WASF2: variants seen among roughly 807,000 people sequenced by gnomAD.
WASF2 encodes the protein WASP family member 2.
Under a neutral mutation model 45.0 loss-of-function variants are expected in WASF2, and 14 were observed. That is an observed-to-expected ratio of 0.31 (90% CI 0.21 to 0.49). The LOEUF (loss-of-function observed/expected upper bound fraction) is 0.49. WASF2 is among the 20% of genes least tolerant of loss of function. The probability of loss-of-function intolerance (pLI) is 0.99; values close to 1 mark genes in which losing one functional copy is unlikely to be tolerated. For synonymous variants in WASF2, 200 were observed against 236.3 expected, an observed-to-expected ratio of 0.85 and a Z score of 1.41; for missense variants, 439 against 636.1, an observed-to-expected ratio of 0.69 and a Z score of 3.33.
At chr1:27,457,987 T>C (rs1038164330) in intron 1 of WASF2, among the ~76,000 whole-genome samples, 1 of 151,924 alleles carries the variant, frequency 6.6e-6, no homozygotes, top group Admixed American at 6.6e-5. Flanking sequence ...GGACAGGAGA[T>C]TGTGTCTTTT....
In WASF2 at chr1:27,487,575, A is replaced by C. The variant is rs2017953997; in HGVS notation, c.-44+2411T>G. Reference sequence around the variant, plus strand: ...ATATATATTTTATACAATATATAATATATATTATATATATTTTATATAATA... The same window carrying C: ...ATATATATTTTATACAATATATAATCTATATTATATATATTTTATATAATA... On this transcript the variant is annotated intron_variant, in intron 1 of 8. Coordinates refer to ENST00000618852, the MANE Select transcript of WASF2 (RefSeq NM_006990.5). Among the ~76,000 whole-genome samples, 5 of 98,836 alleles carry C rather than the reference A, an allele frequency of 5.1e-5. No individual in the cohort carries two copies. In the Admixed American group the frequency reaches 7.9e-4, roughly 16 times the overall value. The allele number at this position is 98,836 out of a possible 152,430, so 64.8% of individuals were successfully genotyped here.
At chr1:27,464,690 A>G (rs2017591283) in intron 1 of WASF2, among the ~76,000 whole-genome samples, 1 of 152,116 alleles carries the variant, frequency 6.6e-6, no homozygotes, top group African/African-American at 2.4e-5. Flanking sequence ...AACAATCTTT[A>G]CCACTTAGAA....
chr1:27,464,383 C>CA (rs1187099040), intron 1 of WASF2, among the ~76,000 whole-genome samples: 10 of 144,746 alleles, frequency 6.9e-5, no homozygotes, highest in Non-Finnish European at 9.1e-5. Flanking sequence ...AAAACGGTCT[C>CA]AAAAAAAAAA....
intron 1 of WASF2, among the ~76,000 whole-genome samples, chr1:27,487,356 C>T (rs2017944963): frequency 7.1e-6 from 1 of 140,386 alleles, no homozygotes; most frequent in Non-Finnish European, 1.5e-5. Flanking sequence ...GCCTCGGCCT[C>T]CCAGAGTGCT....
At chr1:27,417,001 A>G (rs536791575) in intron 4 of WASF2, among the ~76,000 whole-genome samples, 2 of 152,304 alleles carry the variant, frequency 1.3e-5, no homozygotes, top group South Asian at 4.1e-4. Context: ...ACAACACAGA[A>G]AGCACTTCCA....
intron 1 of WASF2, among the ~76,000 whole-genome samples, chr1:27,477,909 A>AT (rs1371978110): frequency 1.0e-5 from 1 of 99,832 alleles, no homozygotes; most frequent in African/African-American, 6.4e-5. Context: ...AAAAAAAAAA[A>AT]ATAAATAAAT....
intron 1 of WASF2, among the ~76,000 whole-genome samples, chr1:27,487,845 A>G (rs971354958): frequency 1.4e-5 from 2 of 146,644 alleles, no homozygotes; most frequent in Non-Finnish European, 3.0e-5. Context: ...ATGCTGAGAA[A>G]AAGAATAATC....
intron 1 of WASF2, among the ~76,000 whole-genome samples, chr1:27,472,446 C>A (rs1385151501): frequency 6.6e-6 from 1 of 151,294 alleles, no homozygotes. Flanking sequence ...CCAGCCTGGG[C>A]AACATGGTGA....
At chr1:27,454,187 ATTT>A (rs869057863) in intron 1 of WASF2, among the ~76,000 whole-genome samples, 2 of 12,770 alleles carry the variant, frequency 1.6e-4, no homozygotes, top group African/African-American at 2.1e-4. Context: ...ATATATATAT[ATTT>A]TTTTTTTTTT....
At chr1:27,418,444 T>C (rs758637939) in intron 3 of WASF2, 22 bp from the exon 4 acceptor site, 7 of 1,614,102 alleles carry the variant, frequency 4.3e-6, no homozygotes, top group African/African-American at 2.7e-5. Flanking sequence ...TGGAAGGCGT[T>C]AGAAAATGGA....
intron 1 of WASF2, among the ~76,000 whole-genome samples, chr1:27,444,454 T>G (rs1357801683): frequency 6.6e-6 from 1 of 152,210 alleles, no homozygotes; most frequent in Non-Finnish European, 1.5e-5. Context: ...CAGTAGGTAT[T>G]CAGTAACTGA....
chr1:27,409,913 G>A lies in WASF2; in HGVS notation c.1118C>T (p.Ala373Val), dbSNP rs769809727. 1 of 1,592,828 alleles carries A rather than the reference G, an allele frequency of 6.3e-7. No homozygotes were observed. Among genetic ancestry groups the A allele is most frequent in the Non-Finnish European group, 8.6e-7 (1 of 1,168,130 alleles). Reference sequence around the variant, plus strand: ...AGGTGGTGGCAGAGTTGGGTAGTCAGCTGCTGGTGGTGGAGGAGGAGGTGG... The same window carrying A: ...AGGTGGTGGCAGAGTTGGGTAGTCAACTGCTGGTGGTGGAGGAGGAGGTGG... ...APPPPPPPPA[A>V]DYPTLPPPPL... The change falls in exon 8 of 9, where the codon GCT becomes GTT. Residue 373 changes from alanine to valine, a missense_variant. By Grantham distance (64) the Ala-to-Val change is moderately conservative. Coordinates refer to ENST00000618852, the MANE Select transcript of WASF2 (RefSeq NM_006990.5).
chr1:27,411,476 TG>T (rs1407270564), intron 7 of WASF2, among the ~76,000 whole-genome samples: 2 of 152,208 alleles, frequency 1.3e-5, no homozygotes, highest in Non-Finnish European at 2.9e-5. Flanking sequence ...TAAGAGGAAG[TG>T]ACTCTATGCT....
chr1:27,408,129 G>A lies in WASF2; in HGVS notation c.*60C>T. On this transcript the variant is annotated 3_prime_UTR_variant, in exon 9 of 9. Transcript: ENST00000618852. ...CTCCCCCTACGGGTCTGTTGGGGTT[G>A]GCATCAAAGAAGGCAGGTAGGAAGG... 1 of 1,579,428 alleles carries A rather than the reference G, an allele frequency of 6.3e-7. No individual in the cohort carries two copies. The highest frequency in any genetic ancestry group is 1.7e-5 in the Admixed American group (1 of 58,046).
Position 27,404,891 on chromosome 1 carries a change from G to A in WASF2, c.*3298C>T, listed in dbSNP as rs1038424816. On this transcript the variant is annotated 3_prime_UTR_variant, in exon 9 of 9. Coordinates refer to ENST00000618852, the MANE Select transcript of WASF2 (RefSeq NM_006990.5). The stretch of plus-strand genomic sequence containing the variant: ...GTCCCAGGTCAGTTGGACCCCAGCA[G>A]GGCTCAAAGCCTGATGCCTCCAGGA... 1.3e-5 allele frequency: 2 copies of A among 152,338 alleles called. No homozygotes were observed. The highest frequency in any genetic ancestry group is 4.8e-5 in the African/African-American group (2 of 41,464). 9.4% of individuals were successfully genotyped at this position (152,338 alleles called of 1,614,324 possible). A position where few individuals can be genotyped will look rare whatever the true frequency, so the allele number is the denominator to read the frequency against.
intron 1 of WASF2, among the ~76,000 whole-genome samples, chr1:27,488,531 T>A (rs1339898314): frequency 6.6e-6 from 1 of 152,160 alleles, no homozygotes; most frequent in Non-Finnish European, 1.5e-5. Flanking sequence ...CACCAATAGC[T>A]GCTGAACTTT....
At chr1:27,423,870 A>G (rs955020195) in intron 2 of WASF2, among the ~76,000 whole-genome samples, 8 of 152,276 alleles carry the variant, frequency 5.3e-5, no homozygotes, top group South Asian at 4.1e-4. Flanking sequence ...GAGCTCCCCA[A>G]TGGCATGCCC....
chr1:27,464,781 T>G (rs2017592519), intron 1 of WASF2, among the ~76,000 whole-genome samples: 1 of 152,192 alleles, frequency 6.6e-6, no homozygotes, highest in Non-Finnish European at 1.5e-5. Flanking sequence ...CAGACTGGAG[T>G]GCAGTGGCAC....
intron 8 of WASF2, 31 bp from the exon 9 acceptor site, chr1:27,408,377 G>A (rs200100401): frequency 4.6e-5 from 74 of 1,613,742 alleles, no homozygotes; most frequent in Non-Finnish European, 5.8e-5. Flanking sequence ...GGGTGAGGAA[G>A]GCGTGTCCTC....
Sources: gnomAD v4.1 joint callset for allele counts (sites outside exome capture counted in the v4.1 genomes callset) on GRCh38, gnomAD v4.1.1 for gene constraint, MANE v1.5 for transcripts, NCBI Gene and HGNC (gene_info 2026-07-23, HGNC 2026-07-21) for gene names.